Variants in CDC42BPA observed in about 807,000 individuals in gnomAD.
CDC42BPA encodes CDC42 binding protein kinase alpha.
A neutral mutation model predicts 223.5 loss-of-function variants in CDC42BPA; 80 were observed. That is an observed-to-expected ratio of 0.36 (90% CI 0.30 to 0.43). The LOEUF is 0.43. Among genes scored for constraint, CDC42BPA ranks in the 20% least tolerant of loss-of-function variants. The pLI is 1.00. For synonymous variants in CDC42BPA, 694 were observed against 718.6 expected, an observed-to-expected ratio of 0.97 and a Z score of 0.55; for missense variants, 1,743 against 2,099.9, an observed-to-expected ratio of 0.83 and a Z score of 3.32.
intron 1 of CDC42BPA, among the ~76,000 whole-genome samples, chr1:227,275,569 G>C (rs1686797282): frequency 6.6e-6 from 1 of 151,680 alleles, no homozygotes; most frequent in Non-Finnish European, 1.5e-5. Flanking sequence ...AACAATATTA[G>C]AAATGAAAAA....
At chr1:227,048,480 TAGAC>T (rs747254267) in intron 22 of CDC42BPA, among the ~76,000 whole-genome samples, 14 of 152,042 alleles carry the variant, frequency 9.2e-5, no homozygotes, top group South Asian at 8.3e-4. Flanking sequence ...TGTGAATACA[TAGAC>T]AGAGACTGAC....
At chr1:227,316,397 G>C (rs189136886) in intron 1 of CDC42BPA, among the ~76,000 whole-genome samples, 1 of 152,302 alleles carries the variant, frequency 6.6e-6, no homozygotes, top group Admixed American at 6.5e-5. Flanking sequence ...TAACTCTCAA[G>C]TGGAAGCTGC....
At chr1:227,191,523 C>G (rs1391102585) in intron 5 of CDC42BPA, among the ~76,000 whole-genome samples, 1 of 152,062 alleles carries the variant, frequency 6.6e-6, no homozygotes, top group East Asian at 1.9e-4. Context: ...CTCTAACAAG[C>G]CTGGCAGAAT....
intron 21 of CDC42BPA, among the ~76,000 whole-genome samples, chr1:227,052,483 C>T (rs1470533926): frequency 1.3e-5 from 2 of 152,144 alleles, no homozygotes; most frequent in Admixed American, 1.3e-4. Context: ...CTTTATTTTG[C>T]ATCAGTAGAA....
At position 227,250,330 on chromosome 1, in the gene CDC42BPA, A is replaced by T. The variant is rs188043777; in HGVS notation, c.270+3734T>A. Among the ~76,000 whole-genome samples the T allele has an allele frequency of 4.1e-3, 624 of 152,214 alleles. 6 individuals are homozygous for T. Among genetic ancestry groups the T allele is most frequent in the African/African-American group, 0.015 (606 of 41,524 alleles). On this transcript the variant is annotated intron_variant, in intron 2 of 36. Coordinates refer to ENST00000366766, the MANE Select transcript of CDC42BPA (RefSeq NM_001394014.1). ...TGGTGAAACCACATGTCTACTAAAA[A>T]TACAAAAACTAGCCAGGCATGGTAG... is the stretch of plus-strand genomic sequence containing the variant.
chr1:227,318,409 C>G lies in CDC42BPA; in HGVS notation c.-1227G>C, dbSNP rs1465352990. 1.3e-5 allele frequency: 2 copies of G among 152,532 alleles called. No homozygotes were observed. Among genetic ancestry groups the G allele is most frequent in the Non-Finnish European group, 2.9e-5 (2 of 68,462 alleles). 9.4% of individuals were successfully genotyped at this position (152,532 alleles called of 1,614,324 possible). On this transcript the variant is annotated 5_prime_UTR_variant, in exon 1 of 37. Coordinates refer to ENST00000366766, the MANE Select transcript of CDC42BPA (RefSeq NM_001394014.1). Reference sequence around the variant, plus strand: ...CCCTCCCCCGCCTTCCCTCTCCTCTCGCGCTCGCGCCCTGGGCTCAGCGAG... The same window carrying G: ...CCCTCCCCCGCCTTCCCTCTCCTCTGGCGCTCGCGCCCTGGGCTCAGCGAG...
At chr1:227,253,610 A>AAAT (rs56318808) in intron 2 of CDC42BPA, among the ~76,000 whole-genome samples, 1 of 119,250 alleles carries the variant, frequency 8.4e-6, no homozygotes, top group Non-Finnish European at 2.0e-5. Context: ...ATAAATAAAT[A>AAAT]CATACATACA....
chr1:227,149,692 G>A (rs1193961504), intron 6 of CDC42BPA, among the ~76,000 whole-genome samples: 1 of 152,102 alleles, frequency 6.6e-6, no homozygotes, highest in African/African-American at 2.4e-5. Flanking sequence ...CAGTTGACGA[G>A]AATAATAAAC....
intron 24 of CDC42BPA, among the ~76,000 whole-genome samples, chr1:227,039,553 G>A (rs1405990197): frequency 6.6e-6 from 1 of 152,010 alleles, no homozygotes; most frequent in Non-Finnish European, 1.5e-5. Flanking sequence ...TTTCTTTTCT[G>A]TTCACATGAC....
intron 34 of CDC42BPA, 47 bp from the exon 35 acceptor site, chr1:227,005,158 A>AT: frequency 7.9e-7 from 1 of 1,268,940 alleles, no homozygotes; most frequent in Non-Finnish European, 1.2e-6. Context: ...AAAGAAACTG[A>AT]TTTTTCTGCA....
intron 3 of CDC42BPA, among the ~76,000 whole-genome samples, chr1:227,200,023 G>T (rs1217601620): frequency 6.6e-6 from 1 of 152,096 alleles, no homozygotes; most frequent in African/African-American, 2.4e-5. Context: ...TCCAAACTGT[G>T]AACCCATTCT....
chr1:227,051,693 T>C (rs1673550594), intron 22 of CDC42BPA, among the ~76,000 whole-genome samples, 188 bp downstream of exon 22: 1 of 152,234 alleles, frequency 6.6e-6, no homozygotes, highest in Admixed American at 6.5e-5. Context: ...TCAGATTGAC[T>C]ATTTGAGGAC....
At chr1:227,125,568 G>C (rs975785376) in intron 11 of CDC42BPA, among the ~76,000 whole-genome samples, 1 of 145,484 alleles carries the variant, frequency 6.9e-6, no homozygotes. Flanking sequence ...CTGCACTCCA[G>C]CCTGGGGAAC....
intron 14 of CDC42BPA, among the ~76,000 whole-genome samples, chr1:227,107,634 C>G (rs1686164070): frequency 6.6e-6 from 1 of 152,166 alleles, no homozygotes; most frequent in Non-Finnish European, 1.5e-5. Context: ...TTCAATTCAG[C>G]AGTGAAGTGG....
chr1:227,081,454 C>T (rs1393362948), intron 16 of CDC42BPA, among the ~76,000 whole-genome samples: 1 of 136,078 alleles, frequency 7.3e-6, no homozygotes, highest in East Asian at 2.1e-4. Flanking sequence ...TGTTCTCTCT[C>T]TCTTTTTTTT....
chr1:227,217,379 G>A (rs2203280), intron 2 of CDC42BPA, among the ~76,000 whole-genome samples: 7,609 of 151,700 alleles, frequency 0.05, 426 homozygotes, highest in East Asian at 0.25. Flanking sequence ...CCCGGGAGAC[G>A]GAGGTGTGGT....
intron 35 of CDC42BPA, chr1:227,004,001 GGGTATATTCTT>G (rs1663472721): frequency 6.6e-6 from 1 of 151,944 alleles, no homozygotes; most frequent in African/African-American, 2.4e-5. Flanking sequence ...TTGTAGTAAA[GGGTATATTCTT>G]GAATCCATTC....
At position 227,193,138 on chromosome 1, in the gene CDC42BPA, G is replaced by A. The variant is rs796788665; in HGVS notation, c.599+648C>T. Among the ~76,000 whole-genome samples the A allele has an allele frequency of 7.0e-5, 10 of 142,374 alleles. No individual in the cohort carries two copies. In the South Asian group the frequency reaches 1.8e-3, roughly 25 times the overall value. 93.4% of individuals were successfully genotyped at this position (142,374 alleles called of 152,430 possible). Reference sequence around the variant, plus strand: ...GGCTGGAGTGCAGTGGCGGGATCTCGGCTCACTGCAAGCTCCGCCTCCCGG... The same window carrying A: ...GGCTGGAGTGCAGTGGCGGGATCTCAGCTCACTGCAAGCTCCGCCTCCCGG... On this transcript the variant is annotated intron_variant, in intron 5 of 36. Coordinates refer to ENST00000366766, the MANE Select transcript of CDC42BPA (RefSeq NM_001394014.1).
chr1:227,179,807 G>C (rs923371598), intron 5 of CDC42BPA, among the ~76,000 whole-genome samples: 1 of 151,000 alleles, frequency 6.6e-6, no homozygotes, highest in Non-Finnish European at 1.5e-5. Context: ...TTAAGAAGTA[G>C]TAATATATAA....
Sources: gnomAD v4.1 joint callset for allele counts (sites outside exome capture counted in the v4.1 genomes callset) on GRCh38, gnomAD v4.1.1 for gene constraint, MANE v1.5 for transcripts, NCBI Gene and HGNC (gene_info 2026-07-23, HGNC 2026-07-21) for gene names.